CDH12: variants seen among roughly 807,000 people sequenced by gnomAD.
CDH12 encodes cadherin 12.
In CDH12, 41 loss-of-function variants were observed where a neutral mutation model predicts 74.1. The ratio of observed to expected loss-of-function variants is 0.55; its 90% CI spans 0.43 to 0.72. The LOEUF (loss-of-function observed/expected upper bound fraction) is 0.72, where lower values mean the gene tolerates loss of function less well. CDH12 is among the 30% of genes least tolerant of loss of function. The pLI is 0.00. For synonymous variants in CDH12, 399 were observed against 355.0 expected (o/e 1.12, Z -1.39); for missense variants, 945 against 977.2 (o/e 0.97, Z 0.44).
intron 5 of CDH12, among the ~76,000 whole-genome samples, chr5:22,058,025 CTAT>C (rs1740868843): frequency 1.3e-5 from 2 of 148,648 alleles, no homozygotes; most frequent in Admixed American, 1.3e-4. Context: ...ATCTATCTAT[CTAT>C]CTATCTATCT....
intron 1 of CDH12, among the ~76,000 whole-genome samples, chr5:22,598,596 C>A (rs764737493): frequency 6.6e-6 from 1 of 152,128 alleles, no homozygotes; most frequent in African/African-American, 2.4e-5. Flanking sequence ...CAAACTAATA[C>A]ACATATGTTG....
At chr5:22,043,801 C>G (rs1446703229) in intron 5 of CDH12, among the ~76,000 whole-genome samples, 3 of 151,408 alleles carry the variant, frequency 2.0e-5, no homozygotes, top group South Asian at 2.1e-4. Context: ...TATATGGTAA[C>G]AGTTAACTAC....
intron 1 of CDH12, among the ~76,000 whole-genome samples, chr5:22,561,329 C>T (rs1739036434): frequency 6.6e-6 from 1 of 152,052 alleles, no homozygotes; most frequent in Non-Finnish European, 1.5e-5. Context: ...TAGGCACAAT[C>T]CTTATTATTC....
intron 1 of CDH12, among the ~76,000 whole-genome samples, chr5:22,779,622 C>G (rs1479605854): frequency 6.6e-6 from 1 of 152,130 alleles, no homozygotes; most frequent in Non-Finnish European, 1.5e-5. Flanking sequence ...GAGGCAGTTT[C>G]CCCATGCCGG....
chr5:21,851,238 T>A (rs1360276580), intron 7 of CDH12, among the ~76,000 whole-genome samples: 2 of 151,152 alleles, frequency 1.3e-5, no homozygotes, highest in Non-Finnish European at 3.0e-5. Flanking sequence ...TAGGGAAAAT[T>A]TAAATACATT....
chr5:21,821,847 G>A (rs1442643723), intron 8 of CDH12, among the ~76,000 whole-genome samples: 2 of 151,874 alleles, frequency 1.3e-5, no homozygotes, highest in Non-Finnish European at 2.9e-5. Flanking sequence ...TACTTTTTGT[G>A]TGTGTGAGTG....
chr5:22,566,194 T>G (rs188851361), intron 1 of CDH12, among the ~76,000 whole-genome samples: 1 of 152,186 alleles, frequency 6.6e-6, no homozygotes, highest in Admixed American at 6.5e-5. Flanking sequence ...CTGAGATTCT[T>G]GTACAAAGTC....
At chr5:22,274,294 A>G (rs1479061007) in intron 3 of CDH12, among the ~76,000 whole-genome samples, 1 of 152,152 alleles carries the variant, frequency 6.6e-6, no homozygotes, top group African/African-American at 2.4e-5. Flanking sequence ...AGACAATTGT[A>G]AAAATACAAA....
chr5:22,722,808 T>C (rs2126991989), intron 1 of CDH12, among the ~76,000 whole-genome samples: 1 of 152,330 alleles, frequency 6.6e-6, no homozygotes, highest in Non-Finnish European at 1.5e-5. Context: ...AACTGCTCTC[T>C]AAAGGAAAAC....
chr5:22,252,019 T>G (rs951907031), intron 3 of CDH12, among the ~76,000 whole-genome samples: 1 of 152,122 alleles, frequency 6.6e-6, no homozygotes, highest in Non-Finnish European at 1.5e-5. Context: ...ACTGTTCATA[T>G]TTTTTCTTCC....
At chr5:22,485,244 T>C (rs1287986937) in intron 2 of CDH12, among the ~76,000 whole-genome samples, 1 of 152,072 alleles carries the variant, frequency 6.6e-6, no homozygotes, top group Admixed American at 6.5e-5. Flanking sequence ...TGCAGTGGCC[T>C]CATATTAGTT....
intron 5 of CDH12, among the ~76,000 whole-genome samples, chr5:22,061,714 G>T (rs561305821): frequency 4.6e-5 from 7 of 152,094 alleles, no homozygotes; most frequent in Non-Finnish European, 1.0e-4. Flanking sequence ...CTAGAGAAAA[G>T]ATTTCTGACA....
chr5:21,830,316 A>G (rs1579786203), intron 8 of CDH12, among the ~76,000 whole-genome samples: 1 of 151,054 alleles, frequency 6.6e-6, no homozygotes, highest in Non-Finnish European at 1.5e-5. Flanking sequence ...CCACTCAAGC[A>G]CGTTGAAAAG....
intron 2 of CDH12, among the ~76,000 whole-genome samples, chr5:22,493,917 C>T (rs1746993307): frequency 6.6e-6 from 1 of 152,078 alleles, no homozygotes; most frequent in African/African-American, 2.4e-5. Context: ...GAATCTGACA[C>T]AGGTTCTAGG....
At chr5:21,824,432 G>A (rs562092751) in intron 8 of CDH12, among the ~76,000 whole-genome samples, 2 of 152,112 alleles carry the variant, frequency 1.3e-5, no homozygotes, top group South Asian at 2.1e-4. Flanking sequence ...GATTTCAGGC[G>A]ACCCACTCCA....
chr5:22,739,588 G>T (rs978905747), intron 1 of CDH12, among the ~76,000 whole-genome samples: 1 of 151,928 alleles, frequency 6.6e-6, no homozygotes, highest in East Asian at 1.9e-4. Context: ...AAGACCTATC[G>T]TCTTACAAAA....
intron 5 of CDH12, among the ~76,000 whole-genome samples, chr5:22,038,046 A>C (rs1739305189): frequency 6.6e-6 from 1 of 152,168 alleles, no homozygotes; most frequent in African/African-American, 2.4e-5. Flanking sequence ...CAGCTGAGGA[A>C]GCTTCTGGAG....
intron 1 of CDH12, among the ~76,000 whole-genome samples, chr5:22,821,590 AACAG>A (rs1749702603): frequency 6.6e-6 from 1 of 152,046 alleles, no homozygotes; most frequent in South Asian, 2.1e-4. Context: ...ATACACCAAT[AACAG>A]ACAGAGAGCC....
chr5:21,796,650 T>A (rs905181067), intron 10 of CDH12, among the ~76,000 whole-genome samples: 1 of 152,058 alleles, frequency 6.6e-6, no homozygotes, highest in Non-Finnish European at 1.5e-5. Flanking sequence ...TCTATTTTTT[T>A]AATTTAATAA....
Sources: allele counts gnomAD v4.1 joint callset (sites outside exome capture counted in the v4.1 genomes callset), GRCh38; gene constraint gnomAD v4.1.1; transcripts MANE v1.5; gene names NCBI Gene and HGNC (gene_info 2026-07-23, HGNC 2026-07-21).